OGDH: variants seen among roughly 807,000 people sequenced by gnomAD.
The protein encoded by OGDH is oxoglutarate dehydrogenase.
OGDH carries 38 observed loss-of-function variants against 116.6 expected under a neutral mutation model. That is an observed-to-expected ratio of 0.33 (90% confidence interval 0.25 to 0.43). The LOEUF (loss-of-function observed/expected upper bound fraction) is 0.43, where lower values mean the gene tolerates loss of function less well. OGDH is among the 20% of genes least tolerant of loss of function. The pLI is 1.00. For missense variants in OGDH, 825 were observed against 1,357.2 expected, an observed-to-expected ratio of 0.61 and a Z score of 6.16; for synonymous variants, 488 against 533.3, an observed-to-expected ratio of 0.92 and a Z score of 1.17.
At chr7:44,611,494 C>G (rs950947470) in intron 1 of OGDH, among the ~76,000 whole-genome samples, 2 of 151,672 alleles carry the variant, frequency 1.3e-5, no homozygotes, top group African/African-American at 4.8e-5. Context: ...CCAGGATGGT[C>G]TCGATCTCCT....
chr7:44,696,341 G>A, intron 13 of OGDH, 88 bp from the exon 14 acceptor site: 1 of 1,502,154 alleles, frequency 6.7e-7, no homozygotes, highest in Non-Finnish European at 9.1e-7. Flanking sequence ...CTCTCACCCT[G>A]CTTCTCCCCA....
intron 4 of OGDH, among the ~76,000 whole-genome samples, chr7:44,664,172 C>G (rs1471495652): frequency 6.6e-6 from 1 of 152,168 alleles, no homozygotes; most frequent in Non-Finnish European, 1.5e-5. Context: ...TTTGTAGACA[C>G]TGTTCCCCAC....
intron 2 of OGDH, among the ~76,000 whole-genome samples, chr7:44,639,542 T>C (rs1785834570): frequency 6.6e-6 from 1 of 152,244 alleles, no homozygotes; most frequent in Admixed American, 6.5e-5. Flanking sequence ...AACTTACATA[T>C]ATTAAAATTC....
chr7:44,647,361 G>C, intron 3 of OGDH: 1 of 882,394 alleles, frequency 1.1e-6, no homozygotes, highest in Non-Finnish European at 1.8e-6. Context: ...CTTTGGAAAA[G>C]GTTTGCATAA....
Position 44,707,036 on chromosome 7 carries a change from C to CA in OGDH, c.2633-189_2633-188insA, listed in dbSNP as rs1351688498. Among the ~76,000 whole-genome samples, 1 of 152,186 alleles carries CA rather than the reference C, an allele frequency of 6.6e-6. No homozygotes were observed. The highest frequency in any genetic ancestry group is 2.4e-5 in the African/African-American group (1 of 41,446). On this transcript the variant is annotated intron_variant, in intron 20 of 22. Transcript: ENST00000222673. The surrounding 1 kb of genome is among the most constrained non-coding windows in gnomAD (Gnocchi z 5.2). ...CCATGTCTGCTGTGTATTTGTTACACGTAACGTGCTTTTCAAAGTGTGCCT... is the reference window on the plus strand; with the variant it reads ...CCATGTCTGCTGTGTATTTGTTACACAGTAACGTGCTTTTCAAAGTGTGCCT...
chr7:44,637,676 TG>T (rs1168245293), intron 2 of OGDH, among the ~76,000 whole-genome samples: 7 of 151,968 alleles, frequency 4.6e-5, no homozygotes, highest in African/African-American at 1.7e-4. Flanking sequence ...CCAGACACGA[TG>T]GCGGTGCCTG....
chr7:44,633,252 CAA>C (rs1163808681), intron 2 of OGDH, among the ~76,000 whole-genome samples: 127 of 81,672 alleles, frequency 1.6e-3, no homozygotes, highest in East Asian at 6.7e-3. Flanking sequence ...GACTCTGTGT[CAA>C]AAAAAAAAAA....
chr7:44,632,604 A>G (rs1039464306), intron 2 of OGDH, among the ~76,000 whole-genome samples: 1 of 148,606 alleles, frequency 6.7e-6, no homozygotes, highest in Non-Finnish European at 1.5e-5. Context: ...AGCCTGGTGG[A>G]TGTTTTTTGT....
intron 4 of OGDH, among the ~76,000 whole-genome samples, chr7:44,665,314 T>C (rs1787138401): frequency 6.7e-6 from 1 of 149,292 alleles, no homozygotes; most frequent in Non-Finnish European, 1.5e-5. Flanking sequence ...AAGCCAGATT[T>C]GCTTTGTTTT....
chr7:44,652,914 G>A (rs1786516457), intron 4 of OGDH, among the ~76,000 whole-genome samples: 1 of 152,152 alleles, frequency 6.6e-6, no homozygotes, highest in Non-Finnish European at 1.5e-5. Flanking sequence ...AGGGTCATCA[G>A]TTGGGGTACC....
chr7:44,680,029 G>A (rs1485333011), intron 9 of OGDH, among the ~76,000 whole-genome samples: 1 of 152,080 alleles, frequency 6.6e-6, no homozygotes, highest in Non-Finnish European at 1.5e-5. Flanking sequence ...TGACCAACAT[G>A]GTGAAACCTC....
intron 4 of OGDH, among the ~76,000 whole-genome samples, chr7:44,655,111 T>C (rs1264847182): frequency 1.3e-5 from 2 of 152,218 alleles, no homozygotes; most frequent in African/African-American, 2.4e-5. Flanking sequence ...ACATTGCCTT[T>C]AGATTTTTAA....
chr7:44,606,751 C>T (rs1487484057), intron 1 of OGDH, 98 bp downstream of exon 1: 1 of 152,438 alleles, frequency 6.6e-6, no homozygotes, highest in Non-Finnish European at 1.5e-5. Flanking sequence ...GGCCGCCGCG[C>T]CCTTGGTGCT....
At chr7:44,609,639 A>G (rs889937172) in intron 1 of OGDH, among the ~76,000 whole-genome samples, 5 of 152,216 alleles carry the variant, frequency 3.3e-5, no homozygotes, top group Non-Finnish European at 5.9e-5. Context: ...GGCTATTACA[A>G]ATAAAGCTGC....
Position 44,697,828 on chromosome 7 carries a change from C to A in OGDH, c.2358+46C>A, listed in dbSNP as rs755897543. 22 of 1,585,296 alleles carry A rather than the reference C, an allele frequency of 1.4e-5. No individual in the cohort carries two copies. In the East Asian group the frequency reaches 4.2e-4, roughly 31 times the overall value. On this transcript the variant is annotated intron_variant, in intron 17 of 22. Transcript: ENST00000222673. This position sits in a 1 kb window ranked among gnomAD's most constrained non-coding sequence, Gnocchi z 6.0. ...TGCCAGACCTAGGACTTGGGAAGGG[C>A]CTGTGTAGGACCCTGACCCCAAAGA...
intron 20 of OGDH, among the ~76,000 whole-genome samples, chr7:44,703,285 G>A (rs975719738): frequency 5.9e-5 from 9 of 152,054 alleles, no homozygotes; most frequent in Non-Finnish European, 1.2e-4. Context: ...GTGTGGTGGT[G>A]CACGCCCTGC....
intron 4 of OGDH, among the ~76,000 whole-genome samples, chr7:44,661,008 T>C (rs1384110820): frequency 6.6e-6 from 1 of 152,220 alleles, no homozygotes; most frequent in African/African-American, 2.4e-5. Flanking sequence ...TTTTGCTGAA[T>C]TTCTGTCTAG....
chr7:44,635,020 C>T (rs867324298), intron 2 of OGDH, among the ~76,000 whole-genome samples: 1 of 152,202 alleles, frequency 6.6e-6, no homozygotes, highest in East Asian at 1.9e-4. Flanking sequence ...CTGGCCCACA[C>T]GTTTAGGACC....
intron 2 of OGDH, among the ~76,000 whole-genome samples, chr7:44,635,448 G>A (rs17133653): frequency 2.0e-5 from 3 of 151,954 alleles, no homozygotes; most frequent in Non-Finnish European, 2.9e-5. Context: ...CACCCGCGCC[G>A]CGGATTATTT....
Sources: gnomAD v4.1 joint callset for allele counts (sites outside exome capture counted in the v4.1 genomes callset) on GRCh38, gnomAD v4.1.1 for gene constraint, Gnocchi (gnomAD v3.1) non-coding constraint, MANE v1.5 for transcripts, NCBI Gene and HGNC (gene_info 2026-07-23, HGNC 2026-07-21) for gene names.